The following RALGAPA2 variants were observed in gnomAD, a reference collection of about 807,000 sequenced individuals.
The protein encoded by RALGAPA2 is Ral GTPase activating protein catalytic subunit alpha 2.
In RALGAPA2, 139 loss-of-function variants were observed where a neutral mutation model predicts 230.4. The ratio of observed to expected loss-of-function variants is 0.60; its 90% CI spans 0.53 to 0.69. RALGAPA2 has a LOEUF of 0.69. Ranked by LOEUF, RALGAPA2 falls within the 30% of genes least tolerant of loss-of-function variation. The probability of loss-of-function intolerance (pLI) is 0.00; values close to 1 mark genes in which losing one functional copy is unlikely to be tolerated. For synonymous variants in RALGAPA2, 847 were observed against 837.8 expected (o/e 1.01, Z -0.19); for missense variants, 2,163 against 2,276.0 (o/e 0.95, Z 1.01).
chr20:20,552,328 T>C (rs1568570152), intron 23 of RALGAPA2, among the ~76,000 whole-genome samples: 1 of 152,148 alleles, frequency 6.6e-6, no homozygotes, highest in Non-Finnish European at 1.5e-5. Flanking sequence ...AGTCACTCCG[T>C]CCCTCCACGA....
At position 20,482,368 on chromosome 20, in the gene RALGAPA2, T is replaced by C. The variant is rs151215032; in HGVS notation, c.5368-9412A>G. 3.3e-4 allele frequency among the ~76,000 whole-genome samples: 50 copies of C among 152,300 alleles called. No homozygotes were observed. In the East Asian group the frequency reaches 9.4e-3, roughly 29 times the overall value. On this transcript the variant is annotated intron_variant, in intron 36 of 39. Transcript: ENST00000202677. ...TTTAGGGTGGACGCAGATAAAATAT[T>C]CTGAAGCTACAGAGAGTTCTTTTCT... is the stretch of plus-strand genomic sequence containing the variant.
intron 2 of RALGAPA2, among the ~76,000 whole-genome samples, chr20:20,676,741 C>T (rs1233124228): frequency 6.6e-6 from 1 of 152,188 alleles, no homozygotes; most frequent in African/African-American, 2.4e-5. Context: ...AAACCTACAA[C>T]ACCTGCAGCT....
At chr20:20,693,605 C>G (rs1270771297) in intron 1 of RALGAPA2, among the ~76,000 whole-genome samples, 1 of 152,174 alleles carries the variant, frequency 6.6e-6, no homozygotes, top group South Asian at 2.1e-4. Flanking sequence ...AGAGTGTTTA[C>G]AGCTGTCGAA....
rs1408035799 is a variant in RALGAPA2, at chr20:20,619,418, C to T, written c.1402-4G>A. The T allele has an allele frequency of 6.3e-7, 1 of 1,593,482 alleles. No individual in the cohort carries two copies. Among genetic ancestry groups the T allele is most frequent in the East Asian group, 2.2e-5 (1 of 44,596 alleles). On this transcript the variant is annotated splice_polypyrimidine_tract_variant and splice_region_variant and intron_variant, in intron 11 of 39. Coordinates refer to ENST00000202677, the MANE Select transcript of RALGAPA2 (RefSeq NM_020343.4). The stretch of plus-strand genomic sequence containing the variant: ...GACCAGAACTTTCAGATGAGGCCTT[C>T]AGAAGATAATGATCCATTAACAGAG...
Position 20,712,287 on chromosome 20 carries a change from CAGCCACCG to C in RALGAPA2, c.106+80_106+87del. The C allele has an allele frequency of 1.6e-6, 2 of 1,273,838 alleles. No homozygotes were observed. Among genetic ancestry groups the C allele is most frequent in the South Asian group, 1.5e-5 (1 of 68,548 alleles). The allele number at this position is 1,273,838 out of a possible 1,614,324, so 78.9% of individuals were successfully genotyped here. A position where few individuals can be genotyped will look rare whatever the true frequency, so the allele number is the denominator to read the frequency against. ...CCACCCATCCCCCTCCCCAGCCTCC[CAGCCACCG>C]ACCCCTGCACAGAGGAGCGCCCTCC... On this transcript the variant is annotated intron_variant, in intron 1 of 39. Transcript: ENST00000202677. This position sits in a 1 kb window ranked among gnomAD's most constrained non-coding sequence, Gnocchi z 5.5.
chr20:20,686,400 G>T (rs894683888), intron 1 of RALGAPA2, among the ~76,000 whole-genome samples: 1 of 152,192 alleles, frequency 6.6e-6, no homozygotes, highest in African/African-American at 2.4e-5. Context: ...ACAAAAATTA[G>T]CTGGGTATGG....
rs182336187 is a variant in RALGAPA2, at chr20:20,602,395, G to A, written c.2039-549C>T. Among the ~76,000 whole-genome samples the A allele has an allele frequency of 1.4e-3, 215 of 152,304 alleles. 1 individual carries two copies. The highest frequency in any genetic ancestry group is 4.9e-3 in the African/African-American group (204 of 41,550). On this transcript the variant is annotated intron_variant, in intron 15 of 39. Transcript: ENST00000202677. ...CAAAGGTCCAAAACAATAAAACATT[G>A]TAGTCTGAGATTCAACTTTTATTTT...
intron 24 of RALGAPA2, among the ~76,000 whole-genome samples, chr20:20,544,187 C>T (rs905784351): frequency 6.6e-6 from 1 of 151,686 alleles, no homozygotes; most frequent in Non-Finnish European, 1.5e-5. Flanking sequence ...TTTGGGAGGC[C>T]CAGGCAAGAG....
At chr20:20,700,288 C>T (rs185769159) in intron 1 of RALGAPA2, among the ~76,000 whole-genome samples, 50 of 152,016 alleles carry the variant, frequency 3.3e-4, no homozygotes, top group African/African-American at 8.4e-4. Flanking sequence ...TAAGAGACAC[C>T]GTACACTACC....
chr20:20,569,023 C>CA (rs2064540051), intron 23 of RALGAPA2, among the ~76,000 whole-genome samples: 1 of 152,116 alleles, frequency 6.6e-6, no homozygotes, highest in Non-Finnish European at 1.5e-5. Context: ...GTCACAGGTA[C>CA]ATAGTTTGTT....
chr20:20,619,220 A>C, intron 12 of RALGAPA2, 57 bp downstream of exon 12: 3 of 1,474,572 alleles, frequency 2.0e-6, no homozygotes, highest in Non-Finnish European at 2.7e-6. Context: ...ACAAAAAGAC[A>C]AAATGGCTCC....
At chr20:20,639,227 A>T (rs2066952359) in intron 7 of RALGAPA2, among the ~76,000 whole-genome samples, 1 of 152,268 alleles carries the variant, frequency 6.6e-6, no homozygotes, top group Non-Finnish European at 1.5e-5. Flanking sequence ...ACCCAGGATG[A>T]ACTCAAGGAC....
chr20:20,476,169 T>C (rs991329448), intron 36 of RALGAPA2, among the ~76,000 whole-genome samples: 4 of 152,116 alleles, frequency 2.6e-5, no homozygotes, highest in Middle Eastern at 3.2e-3. Context: ...AGCTATAGAT[T>C]CAACAAAACC....
chr20:20,508,006 G>A (rs1192479340), intron 33 of RALGAPA2, among the ~76,000 whole-genome samples: 1 of 152,144 alleles, frequency 6.6e-6, no homozygotes, highest in African/African-American at 2.4e-5. Flanking sequence ...TATCTACAAT[G>A]TTTCAGTTTA....
chr20:20,646,556 C>T (rs1436107162), intron 4 of RALGAPA2, among the ~76,000 whole-genome samples: 1 of 152,144 alleles, frequency 6.6e-6, no homozygotes, highest in African/African-American at 2.4e-5. Context: ...TGGGCTGATT[C>T]TATGAATTTC....
intron 1 of RALGAPA2, among the ~76,000 whole-genome samples, chr20:20,707,018 C>T (rs1424673304): frequency 1.3e-5 from 2 of 152,164 alleles, no homozygotes; most frequent in Non-Finnish European, 2.9e-5. Flanking sequence ...CACAACCCCC[C>T]AGACACGCCA....
At chr20:20,572,700 A>G (rs1425280947) in intron 21 of RALGAPA2, among the ~76,000 whole-genome samples, 175 bp downstream of exon 21, 2 of 152,218 alleles carry the variant, frequency 1.3e-5, no homozygotes, top group Admixed American at 6.5e-5. Context: ...TAACTTTTGC[A>G]TTTATAAAAT....
Position 20,390,770 on chromosome 20 carries a change from C to T in RALGAPA2, c.*2519G>A, listed in dbSNP as rs1355409516. On this transcript the variant is annotated 3_prime_UTR_variant, in exon 40 of 40. Transcript: ENST00000202677. ...AAAACAACTCCAGTCCACGTGATCA[C>T]GAGAAACGTGGCTGTCAGATTCCCT... 5.3e-5 allele frequency: 8 copies of T among 152,226 alleles called. No individual in the cohort carries two copies. The highest frequency in any genetic ancestry group is 2.6e-4 in the Admixed American group (4 of 15,288). The allele number at this position is 152,226 out of a possible 1,614,324, so 9.4% of individuals were successfully genotyped here. A position where few individuals can be genotyped will look rare whatever the true frequency, so the allele number is the denominator to read the frequency against.
In RALGAPA2 at chr20:20,392,839, A is replaced by T; in HGVS notation, c.*450T>A. On this transcript the variant is annotated 3_prime_UTR_variant, in exon 40 of 40. Transcript: ENST00000202677. ...TGAATCATGCTTGGGTTCATAAATG[A>T]GAAGAAACAACTTGGGGTGCAGAAG... 4.1e-6 allele frequency: 1 copy of T among 241,354 alleles called. No homozygotes were observed. Among genetic ancestry groups the T allele is most frequent in the South Asian group, 4.5e-5 (1 of 22,074 alleles). 15.0% of individuals were successfully genotyped at this position (241,354 alleles called of 1,614,324 possible). A position where few individuals can be genotyped will look rare whatever the true frequency, so the allele number is the denominator to read the frequency against.
Sources: gnomAD v4.1 joint callset for allele counts (sites outside exome capture counted in the v4.1 genomes callset) on GRCh38, gnomAD v4.1.1 for gene constraint, Gnocchi (gnomAD v3.1) non-coding constraint, MANE v1.5 for transcripts, NCBI Gene and HGNC (gene_info 2026-07-23, HGNC 2026-07-21) for gene names.